DHX34: variants seen among roughly 807,000 people sequenced by gnomAD.
DHX34 encodes the protein probable ATP-dependent RNA helicase DHX34.
Under a neutral mutation model 111.1 loss-of-function variants are expected in DHX34, and 96 were observed. The observed-to-expected ratio is 0.86, with a 90% CI of 0.73 to 1.02. DHX34 has a LOEUF of 1.02. Among genes scored for constraint, DHX34 ranks in the 50% least tolerant of loss-of-function variants. The probability of loss-of-function intolerance (pLI) is 0.00; values close to 1 mark genes in which losing one functional copy is unlikely to be tolerated. For missense variants in DHX34, 1,560 were observed against 1,579.9 expected, an observed-to-expected ratio of 0.99 and a Z score of 0.21; for synonymous variants, 688 against 670.4, an observed-to-expected ratio of 1.03 and a Z score of -0.41.
rs570058718 is a variant in DHX34, at chr19:47,377,282, G to A, written c.2706+76G>A. ...GCCCAGGGTGGTGGGTGGGGGCACC[G>A]CGTGGGCTTGGAGGGGCCACCTGGC... On this transcript the variant is annotated intron_variant, in intron 13 of 16. Transcript: ENST00000328771. The A allele has an allele frequency of 7.9e-5, 117 of 1,484,482 alleles. No homozygotes were observed. The South Asian group carries it at 1.2e-3, about 16-fold the overall frequency. 92.0% of individuals were successfully genotyped at this position (1,484,482 alleles called of 1,614,324 possible). A position where few individuals can be genotyped will look rare whatever the true frequency, so the allele number is the denominator to read the frequency against.
chr19:47,376,156 C>CT lies in DHX34; in HGVS notation c.2481+60dup, dbSNP rs539876390. ...CCTCCAACACACGAACCCTGAGTGC[C>CT]TGTCCTGTGCCGGGAATGCAGTGGT... On this transcript the variant is annotated intron_variant, in intron 11 of 16. Coordinates refer to ENST00000328771, the MANE Select transcript of DHX34 (RefSeq NM_014681.6). The CT allele has an allele frequency of 1.7e-3, 2,617 of 1,517,712 alleles. 3 individuals carry two copies. The highest frequency in any genetic ancestry group is 2.1e-3 in the Non-Finnish European group (2,349 of 1,135,660). 94.0% of individuals were successfully genotyped at this position (1,517,712 alleles called of 1,614,324 possible). A position where few individuals can be genotyped will look rare whatever the true frequency, so the allele number is the denominator to read the frequency against.
rs1336659357 is a variant in DHX34, at chr19:47,373,608, G to C, written c.1972G>C (p.Glu658Gln). The C allele has an allele frequency of 6.2e-7, 1 of 1,613,736 alleles. No homozygotes were observed. The highest frequency in any genetic ancestry group is 8.5e-7 in the Non-Finnish European group (1 of 1,179,920). The change falls in exon 9 of 17, where the codon GAA (glutamate) becomes CAA (glutamine). Residue 658 changes from glutamate (E) to glutamine (Q), a missense_variant. Coordinates refer to ENST00000328771, the MANE Select transcript of DHX34 (RefSeq NM_014681.6). ...VFNAWVQVKS[E>Q]RSRNSRKWCR... ...CTGCTCCTCCACCCAGGTGAAATCT[G>C]AACGGAGCAGAAACTCTCGCAAGTG... is the stretch of plus-strand genomic sequence containing the variant.
intron 2 of DHX34, chr19:47,354,828 AT>A: frequency 2.2e-6 from 1 of 455,050 alleles, no homozygotes; most frequent in Non-Finnish European, 2.9e-6. Flanking sequence ...TTTTGTTTGT[AT>A]TTTTAGTAGA....
Position 47,353,480 on chromosome 19 carries a change from G to T in DHX34, c.450G>T (p.Gly150=). The T allele has an allele frequency of 6.2e-7, 1 of 1,614,106 alleles. No individual in the cohort carries two copies. Among genetic ancestry groups the T allele is most frequent in the Non-Finnish European group, 8.5e-7 (1 of 1,180,028 alleles). Residue 150 remains glycine, a synonymous_variant, in exon 2 of 17, where the codon GGG becomes GGT. Transcript: ENST00000328771. This position sits in a 1 kb window ranked among gnomAD's most constrained non-coding sequence, Gnocchi z 4.6. Reference sequence around the variant, plus strand: ...ACTTTGGCCAGAAGCAGGCATTTGGGCGTCTGGCCAAGCTGCAGCGTGAGC... The same window carrying T: ...ACTTTGGCCAGAAGCAGGCATTTGGTCGTCTGGCCAAGCTGCAGCGTGAGC... ...YLDFGQKQAF[G]RLAKLQRERA... is the part of the protein sequence containing the mutation.
chr19:47,377,400 GC>G (rs1294176305), intron 13 of DHX34, among the ~76,000 whole-genome samples, 194 bp downstream of exon 13: 6 of 152,324 alleles, frequency 3.9e-5, no homozygotes, highest in African/African-American at 1.4e-4. Flanking sequence ...CCTGCCAAGT[GC>G]CTGCTGGGTG....
intron 6 of DHX34, among the ~76,000 whole-genome samples, chr19:47,363,094 G>T: frequency 6.6e-6 from 1 of 152,164 alleles, no homozygotes; most frequent in Non-Finnish European, 1.5e-5. Context: ...GGGACTACAG[G>T]TGTGCACCAC....
rs561548366 is a variant in DHX34, at chr19:47,352,886, G to A, written c.-145G>A. The A allele has an allele frequency of 3.8e-5, 54 of 1,432,696 alleles. No homozygotes were observed. The African/African-American group carries it at 6.0e-4, about 16-fold the overall frequency. The allele number at this position is 1,432,696 out of a possible 1,614,324, so 88.7% of individuals were successfully genotyped here. On this transcript the variant is annotated 5_prime_UTR_variant, in exon 2 of 17. It adds an upstream start codon to the 5' untranslated region. Coordinates refer to ENST00000328771, the MANE Select transcript of DHX34 (RefSeq NM_014681.6). Reference sequence around the variant, plus strand: ...TTATCATCTGTGGTGGTCCTGTGCCGTGACCAGGAGGAAAAATTAGCTCTT... The same window carrying A: ...TTATCATCTGTGGTGGTCCTGTGCCATGACCAGGAGGAAAAATTAGCTCTT...
rs143304849 is a variant in DHX34, at chr19:47,360,052, C to T, written c.1357C>T (p.Arg453Cys). The T allele has an allele frequency of 1.5e-5, 24 of 1,613,804 alleles. No homozygotes were observed. The South Asian group carries it at 1.8e-4, about 12-fold the overall frequency. ...GACCTCAGTCACCATTGACGGGATC[C>T]GCTTCGTAGTAGATTCCGGTAAGGA... ...AETSVTIDGI[R>C]FVVDSGKVKE... Residue 453 changes from arginine (R) to cysteine (C), a missense_variant, in exon 5 of 17, where the codon CGC (arginine) becomes TGC (cysteine). Transcript: ENST00000328771.
chr19:47,379,511 C>T, intron 13 of DHX34, 199 bp from the exon 14 acceptor site: 9 of 912,980 alleles, frequency 9.9e-6, no homozygotes, highest in Non-Finnish European at 1.2e-5. Flanking sequence ...GCCCCCTTCC[C>T]TGACTCAGCG....
intron 5 of DHX34, 143 bp downstream of exon 5, chr19:47,360,213 AC>A: frequency 1.4e-6 from 1 of 698,940 alleles, no homozygotes; most frequent in Non-Finnish European, 2.4e-6. Flanking sequence ...CTTGCTTGCA[AC>A]CAGAAGTGTT....
rs534755007 is a variant in DHX34 at position 47,373,469 on chromosome 19, G to A, written c.1963-130G>A. The A allele has an allele frequency of 5.5e-5, 80 of 1,457,668 alleles. 1 individual carries two copies. The African/African-American group carries it at 1.0e-3, about 19-fold the overall frequency. The allele number at this position is 1,457,668 out of a possible 1,614,324, so 90.3% of individuals were successfully genotyped here. Reference sequence around the variant, plus strand: ...GCTTCCCATAGGAGGGGGCACTGGGGCTGAGACCTGGAAGCAGGAGAGCAG... The same window carrying A: ...GCTTCCCATAGGAGGGGGCACTGGGACTGAGACCTGGAAGCAGGAGAGCAG... On this transcript the variant is annotated intron_variant, in intron 8 of 16. Transcript: ENST00000328771.
At position 47,379,804 on chromosome 19, in the gene DHX34, A is replaced by T. The variant is rs1438679654; in HGVS notation, c.2801A>T (p.Glu934Val). The change falls in exon 14 of 17, where the codon GAA becomes GTA. Residue 934 changes from glutamate (E) to valine (V), a missense_variant. Physicochemically the swap from Glu to Val is moderately radical, Grantham distance 121. Transcript: ENST00000328771. ...CTGGAGCTGCAGCTAGCAGACAGTG[A>T]AAGTGCCATCCGACTCCTGGCGGCT... ...GWLELQLADS[E>V]SAIRLLAASL... The T allele has an allele frequency of 1.2e-6, 2 of 1,613,672 alleles. No homozygotes were observed. Among genetic ancestry groups the T allele is most frequent in the East Asian group, 2.2e-5 (1 of 44,874 alleles).
chr19:47,375,507 C>T lies in DHX34; in HGVS notation c.2106C>T (p.Ala702=), dbSNP rs375362886. The part of the protein sequence containing the change: ...EDHGLLAGAQ[A]AQVGDSYSRL... ...ACGGGCTGCTGGCTGGGGCCCAGGC[C>T]GCGCAGGTAGGGGACAGCTACAGTC... The change falls in exon 10 of 17, where the codon GCC becomes GCT. Residue 702 remains alanine (A), a synonymous_variant. Coordinates refer to ENST00000328771, the MANE Select transcript of DHX34 (RefSeq NM_014681.6). 6.7e-5 allele frequency: 105 copies of T among 1,573,606 alleles called. No individual in the cohort carries two copies. The African/African-American group carries it at 1.1e-3, about 17-fold the overall frequency.
chr19:47,365,080 T>G (rs568977204), intron 6 of DHX34, among the ~76,000 whole-genome samples: 3 of 152,212 alleles, frequency 2.0e-5, no homozygotes, highest in Admixed American at 2.0e-4. Flanking sequence ...GTGTTCACCC[T>G]ATGCCCCGCA....
Position 47,373,594 on chromosome 19 carries a change from C to T in DHX34, c.1963-5C>T. 2 of 1,613,146 alleles carry T rather than the reference C, an allele frequency of 1.2e-6. No homozygotes were observed. The highest frequency in any genetic ancestry group is 2.2e-5 in the South Asian group (2 of 91,002). The stretch of plus-strand genomic sequence containing the variant: ...TGACACCCTGGCGTCTGCTCCTCCA[C>T]CCAGGTGAAATCTGAACGGAGCAGA... On this transcript the variant is annotated splice_region_variant and splice_polypyrimidine_tract_variant and intron_variant, in intron 8 of 16. Coordinates refer to ENST00000328771, the MANE Select transcript of DHX34 (RefSeq NM_014681.6).
chr19:47,352,192 A>G (rs1969307620), intron 1 of DHX34, among the ~76,000 whole-genome samples: 1 of 151,988 alleles, frequency 6.6e-6, no homozygotes, highest in Non-Finnish European at 1.5e-5. Flanking sequence ...AGGAGGAGGA[A>G]CCTCCTTTGG....
rs777274900 is a variant in DHX34, at chr19:47,380,951, G to C, written c.3118G>C (p.Gly1040Arg). Reference protein sequence around the residue: ...STLSPHPTKGGYAVTDFLTYN... With the variant: ...STLSPHPTKGRYAVTDFLTYN... ...CCTGTCCCCCCACCCCACAAAGGGG[G>C]GCTACGCAGTCACTGACTTCCTCAC... Residue 1040 changes from glycine to arginine, a missense_variant, in exon 15 of 17, where the codon GGC becomes CGC. Coordinates refer to ENST00000328771, the MANE Select transcript of DHX34 (RefSeq NM_014681.6). The C allele has an allele frequency of 1.9e-6, 3 of 1,600,358 alleles. No homozygotes were observed. In the East Asian group the frequency reaches 6.7e-5, roughly 36 times the overall value.
chr19:47,368,298 CTTTTTTTTTTTTTTTT>C lies in DHX34; in HGVS notation c.1768+1153_1768+1168del, dbSNP rs71180827. On this transcript the variant is annotated intron_variant, in intron 7 of 16. Coordinates refer to ENST00000328771, the MANE Select transcript of DHX34 (RefSeq NM_014681.6). ...AGTCTCATCATTCATTCATTAAATC[CTTTTTTTTTTTTTTTT>C]TTTTTTTTTGAGACTGAGTTTCGCT... Among the ~76,000 whole-genome samples the C allele has an allele frequency of 1.3e-4, 6 of 46,076 alleles. No homozygotes were observed. In the South Asian group the frequency reaches 8.0e-3, roughly 61 times the overall value. The allele number at this position is 46,076 out of a possible 152,430, so 30.2% of individuals were successfully genotyped here. A position where few individuals can be genotyped will look rare whatever the true frequency, so the allele number is the denominator to read the frequency against.
intron 16 of DHX34, chr19:47,381,529 C>T: frequency 4.4e-6 from 3 of 685,878 alleles, no homozygotes; most frequent in Non-Finnish European, 7.1e-6. Context: ...CTCTTTCTGT[C>T]TGCCTGTCCC....
Sources: allele counts gnomAD v4.1 joint callset (sites outside exome capture counted in the v4.1 genomes callset), GRCh38; gene constraint gnomAD v4.1.1; non-coding constraint Gnocchi (gnomAD v3.1); transcripts MANE v1.5; gene names NCBI Gene and HGNC (gene_info 2026-07-23, HGNC 2026-07-21).